HIVEP3: variants seen among roughly 807,000 people sequenced by gnomAD.
HIVEP3 encodes HIVEP zinc finger 3.
A neutral mutation model predicts 152.8 loss-of-function variants in HIVEP3; 49 were observed. The ratio of observed to expected loss-of-function variants is 0.32; its 90% confidence interval spans 0.26 to 0.41. The LOEUF is 0.41. Among genes scored for constraint, HIVEP3 ranks in the 10% least tolerant of loss-of-function variants. HIVEP3 has a pLI of 1.00. For missense variants in HIVEP3, 2,790 were observed against 3,103.3 expected, an observed-to-expected ratio of 0.90 and a Z score of 2.40; for synonymous variants, 1,269 against 1,289.0, an observed-to-expected ratio of 0.98 and a Z score of 0.33.
rs1645150246 is a variant in HIVEP3 at position 41,958,216 on chromosome 1, CA to C, written n.120-39693del. On this transcript the variant is annotated intron_variant and non_coding_transcript_variant, in intron 1 of 3. Transcript: ENST00000489103. ...TTGCCATTTGGGCCACGTGACCAGG[CA>C]CATCTCAAGGCACTAATGGCAGCTG... is the stretch of plus-strand genomic sequence containing the variant. Among the ~76,000 whole-genome samples, 3 of 152,218 alleles carry C rather than the reference CA, an allele frequency of 2.0e-5. No individual in the cohort carries two copies. The South Asian group carries it at 6.2e-4, about 32-fold the overall frequency.
chr1:41,617,803 C>T (rs1644990246), intron 3 of HIVEP3, among the ~76,000 whole-genome samples: 1 of 152,236 alleles, frequency 6.6e-6, no homozygotes, highest in Admixed American at 6.5e-5. Flanking sequence ...TCTACTCCCA[C>T]ATCATAAGAA....
chr1:41,539,911 T>C (rs1558041457), intron 5 of HIVEP3, among the ~76,000 whole-genome samples: 1 of 152,230 alleles, frequency 6.6e-6, no homozygotes, highest in Non-Finnish European at 1.5e-5. Context: ...AGAAATTATA[T>C]CGTAGAAACC....
intron 2 of HIVEP3, among the ~76,000 whole-genome samples, chr1:41,680,127 C>T (rs773352209): frequency 6.6e-6 from 1 of 152,186 alleles, no homozygotes; most frequent in Non-Finnish European, 1.5e-5. Flanking sequence ...ACACACTGGT[C>T]CCTGGGATGA....
At chr1:41,611,881 T>G (rs1315703454) in intron 3 of HIVEP3, among the ~76,000 whole-genome samples, 1 of 152,224 alleles carries the variant, frequency 6.6e-6, no homozygotes, top group African/African-American at 2.4e-5. Flanking sequence ...GAACTCCGGT[T>G]GCCTGAGGTC....
At chr1:42,030,160 G>A (rs917081022) in intron 1 of HIVEP3, among the ~76,000 whole-genome samples, 2 of 152,166 alleles carry the variant, frequency 1.3e-5, no homozygotes, top group Admixed American at 6.5e-5. Flanking sequence ...GCACACCCTA[G>A]AGCAAGTTTG....
At chr1:41,618,032 C>T (rs1322166432) in intron 3 of HIVEP3, among the ~76,000 whole-genome samples, 7 of 152,190 alleles carry the variant, frequency 4.6e-5, no homozygotes, top group Non-Finnish European at 1.5e-5. Context: ...CTGCTGGTTC[C>T]TAGGAACCAT....
At chr1:41,553,285 T>C (rs1438950924) in intron 5 of HIVEP3, among the ~76,000 whole-genome samples, 2 of 152,008 alleles carry the variant, frequency 1.3e-5, no homozygotes, top group Non-Finnish European at 2.9e-5. Flanking sequence ...TCTTTGTTGG[T>C]TTAAAGTCTG....
intron 2 of HIVEP3, 101 bp from the exon 3 acceptor site, chr1:41,629,048 A>ACTCCCACACCCCCCAG: frequency 1.2e-6 from 1 of 848,010 alleles, no homozygotes. Flanking sequence ...ACACCCCCCA[A>ACTCCCACACCCCCCAG]CTACTCCCAA....
chr1:41,668,477 C>T (rs2124064370), intron 2 of HIVEP3, among the ~76,000 whole-genome samples: 1 of 152,348 alleles, frequency 6.6e-6, no homozygotes, highest in Non-Finnish European at 1.5e-5. Flanking sequence ...GGTGAGAACC[C>T]CAATCCTTCA....
intron 1 of HIVEP3, among the ~76,000 whole-genome samples, chr1:41,730,887 G>A (rs1646829845): frequency 6.6e-6 from 1 of 152,176 alleles, no homozygotes; most frequent in African/African-American, 2.4e-5. Context: ...GGGACTAGCT[G>A]AGGCTTCCTG....
At position 41,712,933 on chromosome 1, in the gene HIVEP3, C is replaced by T. The variant is rs538139093; in HGVS notation, c.-800-11938G>A. The stretch of plus-strand genomic sequence containing the variant: ...ACAGGAGATCCTTGGCCTCCTGACA[C>T]AGCGGGGCAGGCTTGTCCTTCCCTC... On this transcript the variant is annotated intron_variant, in intron 1 of 8. Coordinates refer to ENST00000372583, the MANE Select transcript of HIVEP3 (RefSeq NM_024503.5). Among the ~76,000 whole-genome samples, 5 of 152,336 alleles carry T rather than the reference C, an allele frequency of 3.3e-5. No individual in the cohort carries two copies. The South Asian group carries it at 1.0e-3, about 32-fold the overall frequency.
At chr1:41,870,083 T>G (rs1644051505) in intron 1 of HIVEP3, among the ~76,000 whole-genome samples, 1 of 152,162 alleles carries the variant, frequency 6.6e-6, no homozygotes, top group African/African-American at 2.4e-5. Flanking sequence ...GTGTCAGTCC[T>G]GAGACAAGGA....
At chr1:41,537,626 C>G (rs1431822301) in intron 5 of HIVEP3, among the ~76,000 whole-genome samples, 3 of 152,224 alleles carry the variant, frequency 2.0e-5, no homozygotes, top group Non-Finnish European at 2.9e-5. Context: ...TGAGCTGTGT[C>G]TCTCTTAAAA....
chr1:41,608,456 C>T (rs888332770), intron 3 of HIVEP3, among the ~76,000 whole-genome samples: 2 of 152,192 alleles, frequency 1.3e-5, no homozygotes, highest in East Asian at 1.9e-4. Flanking sequence ...GGGAATTTGG[C>T]GGCCACTGGC....
chr1:41,941,876 A>G (rs763399906), intron 1 of HIVEP3, among the ~76,000 whole-genome samples: 6 of 152,212 alleles, frequency 3.9e-5, no homozygotes, highest in Non-Finnish European at 8.8e-5. Context: ...TCTCCCTGCT[A>G]CTGGATCGCT....
chr1:41,557,017 G>A (rs1289371360), intron 5 of HIVEP3, among the ~76,000 whole-genome samples: 17 of 152,158 alleles, frequency 1.1e-4, no homozygotes, highest in Admixed American at 9.2e-4. Flanking sequence ...GTACCACACT[G>A]TTTCAATTAC....
At chr1:41,874,488 G>A (rs1030700063) in intron 1 of HIVEP3, among the ~76,000 whole-genome samples, 11 of 152,160 alleles carry the variant, frequency 7.2e-5, no homozygotes, top group African/African-American at 2.4e-4. Flanking sequence ...GATTCACAGT[G>A]TCTAAGGTTC....
At chr1:41,978,198 A>G (rs892279172) in intron 1 of HIVEP3, among the ~76,000 whole-genome samples, 1 of 152,158 alleles carries the variant, frequency 6.6e-6, no homozygotes, top group Non-Finnish European at 1.5e-5. Context: ...TAAGGAATCC[A>G]CTAGGTTGGA....
At chr1:41,640,220 C>T (rs990783541) in intron 2 of HIVEP3, among the ~76,000 whole-genome samples, 4 of 124,976 alleles carry the variant, frequency 3.2e-5, no homozygotes, top group African/African-American at 6.3e-5. Context: ...GAGGAACAGA[C>T]GAGACTGGAG....
Sources: gnomAD v4.1 joint callset for allele counts (sites outside exome capture counted in the v4.1 genomes callset) on GRCh38, gnomAD v4.1.1 for gene constraint, MANE v1.5 for transcripts, NCBI Gene and HGNC (gene_info 2026-07-23, HGNC 2026-07-21) for gene names.